The following MTCH1 variants were observed in gnomAD, a reference collection of about 807,000 sequenced individuals.
MTCH1 encodes mitochondrial carrier homolog 1.
MTCH1 carries 23 observed loss-of-function variants against 49.3 expected under a neutral mutation model. The observed-to-expected ratio is 0.47, with a 90% CI of 0.34 to 0.66. The LOEUF is 0.66. MTCH1 is among the 30% of genes least tolerant of loss of function. The pLI, the probability that MTCH1 is intolerant of heterozygous loss-of-function variation, is 0.01. For synonymous variants in MTCH1, 229 were observed against 215.2 expected, an observed-to-expected ratio of 1.06 and a Z score of -0.56; for missense variants, 397 against 532.1, an observed-to-expected ratio of 0.75 and a Z score of 2.50.
rs769107087 is a variant in MTCH1, at chr6:36,982,023, TCA to T, written c.322-353_322-352del. Among the ~76,000 whole-genome samples, 12 of 152,296 alleles carry T rather than the reference TCA, an allele frequency of 7.9e-5. No individual in the cohort carries two copies. The highest frequency in any genetic ancestry group is 1.3e-4 in the Admixed American group (2 of 15,308). Reference sequence around the variant, plus strand: ...CCCTACTCCCATCTCAGAACAAATCTCAGTTATTCTCATCTCCAGATGAAAAA... The same window carrying T: ...CCCTACTCCCATCTCAGAACAAATCTGTTATTCTCATCTCCAGATGAAAAA... On this transcript the variant is annotated intron_variant, in intron 1 of 11. Coordinates refer to ENST00000373627, the MANE Select transcript of MTCH1 (RefSeq NM_001271641.2). This position sits in a 1 kb window ranked among gnomAD's most constrained non-coding sequence, Gnocchi z 4.1.
intron 8 of MTCH1, among the ~76,000 whole-genome samples, chr6:36,971,663 G>A (rs1243212159): frequency 1.3e-5 from 2 of 152,070 alleles, no homozygotes; most frequent in Non-Finnish European, 2.9e-5. Context: ...ATCTGGGATG[G>A]GGCACTCCTC....
intron 2 of MTCH1, 143 bp from the exon 3 acceptor site, chr6:36,978,754 T>G: frequency 1.6e-6 from 1 of 620,578 alleles, no homozygotes; most frequent in Non-Finnish European, 2.7e-6. Context: ...GTCCAGGACC[T>G]GGAAGCAGTC....
In MTCH1 at chr6:36,985,942, C is replaced by T. The variant is rs578202903; in HGVS notation, c.232G>A (p.Ala78Thr). ...ACGAAAAGAGCCTCAGTGGTCGGGGCGTTGTCCCCAGACCCCAGGCCCCCT... is the reference window on the plus strand; with the variant it reads ...ACGAAAAGAGCCTCAGTGGTCGGGGTGTTGTCCCCAGACCCCAGGCCCCCT... ...GSGGLGSGDN[A>T]PTTEALFVAL... Residue 78 changes from alanine to threonine, a missense_variant, in exon 1 of 12, where the codon GCC becomes ACC. Ala to Thr is a moderately conservative substitution (Grantham distance 58). Around this residue, in one of 2 missense-constraint regions of MTCH1, gnomAD observed 145 missense variants for 143.8 expected, o/e 1.01. Transcript: ENST00000373627. 6 of 1,552,052 alleles carry T rather than the reference C, an allele frequency of 3.9e-6. No individual in the cohort carries two copies. Among genetic ancestry groups the T allele is most frequent in the Middle Eastern group, 1.7e-4 (1 of 5,948 alleles).
intron 11 of MTCH1, 135 bp from the exon 12 acceptor site, chr6:36,969,109 A>C: frequency 6.9e-7 from 1 of 1,443,560 alleles, no homozygotes; most frequent in Non-Finnish European, 9.1e-7. Context: ...GCCTCGGCCT[A>C]CATCCCTGGA....
chr6:36,985,968 G>A lies in MTCH1; in HGVS notation c.206C>T (p.Ser69Leu). 6.5e-7 allele frequency: 1 copy of A among 1,548,542 alleles called. No homozygotes were observed. The highest frequency in any genetic ancestry group is 8.7e-7 in the Non-Finnish European group (1 of 1,146,692). The part of the protein sequence containing the change: ...QPSARRMDGG[S>L]GGLGSGDNAP... Reference sequence around the variant, plus strand: ...GTTGTCCCCAGACCCCAGGCCCCCTGACCCGCCATCCATCCTGCGGGCCGA... The same window carrying A: ...GTTGTCCCCAGACCCCAGGCCCCCTAACCCGCCATCCATCCTGCGGGCCGA... Residue 69 changes from serine to leucine, a missense_variant, in exon 1 of 12, where the codon TCA (serine) becomes TTA (leucine). Ser to Leu is a moderately radical substitution (Grantham distance 145). This residue lies in a region of MTCH1 where 145 missense variants were observed against 143.8 expected (regional missense o/e 1.01). Transcript: ENST00000373627.
chr6:36,973,690 G>A (rs1317599943), intron 7 of MTCH1, among the ~76,000 whole-genome samples: 2 of 152,208 alleles, frequency 1.3e-5, no homozygotes, highest in Non-Finnish European at 2.9e-5. Flanking sequence ...ATCACATGGG[G>A]AGAAAGAACC....
intron 11 of MTCH1, 170 bp downstream of exon 11, chr6:36,969,869 A>G (rs1763610642): frequency 1.9e-6 from 3 of 1,541,540 alleles, no homozygotes; most frequent in Admixed American, 3.9e-5. Context: ...CCTTTCTGAA[A>G]TTATGTAAGA....
At position 36,982,152 on chromosome 6, in the gene MTCH1, A is replaced by G. The variant is rs1031070361; in HGVS notation, c.322-480T>C. On this transcript the variant is annotated intron_variant, in intron 1 of 11. Transcript: ENST00000373627. This position sits in a 1 kb window ranked among gnomAD's most constrained non-coding sequence, Gnocchi z 4.1. ...AGTCATCTATTCCAAAGTGCACCCC[A>G]AACTCAAATTTCTTACCAAATCTAC... is the stretch of plus-strand genomic sequence containing the variant. 3.9e-5 allele frequency among the ~76,000 whole-genome samples: 6 copies of G among 152,134 alleles called. No homozygotes were observed. The highest frequency in any genetic ancestry group is 1.4e-4 in the African/African-American group (6 of 41,416).
chr6:36,985,862 C>T lies in MTCH1; in HGVS notation c.312G>A (p.Leu104=). 1.3e-6 allele frequency: 2 copies of T among 1,557,838 alleles called. No homozygotes were observed. Among genetic ancestry groups the T allele is most frequent in the Non-Finnish European group, 1.7e-6 (2 of 1,150,722 alleles). ...ALSHPLLYVK[L]LIQVGHEPMP... is the part of the protein sequence containing the mutation. ...GCCTCTGGTCCCCCACCTGGATGAG[C>T]AGCTTCACGTAGAGCAGGGGATGGC... The change falls in exon 1 of 12, where the codon CTG becomes CTA. Residue 104 remains leucine, a synonymous_variant. Transcript: ENST00000373627.
chr6:36,975,791 G>A (rs977697815), intron 6 of MTCH1, 74 bp from the exon 7 acceptor site: 25 of 1,379,302 alleles, frequency 1.8e-5, no homozygotes, highest in African/African-American at 4.3e-5. Flanking sequence ...GTGTGGGGCT[G>A]AGCCCACCAG....
At position 36,977,442 on chromosome 6, in the gene MTCH1, G is replaced by A. The variant is rs956438611; in HGVS notation, c.649+192C>T. 6.6e-5 allele frequency among the ~76,000 whole-genome samples: 10 copies of A among 152,198 alleles called. No individual in the cohort carries two copies. In the South Asian group the frequency reaches 2.1e-3, roughly 32 times the overall value. ...GCATGCCATTTCTACTGCCTGGGAAGAGCCCCACCTCCCTTTGGAAAGAAT... is the reference window on the plus strand; with the variant it reads ...GCATGCCATTTCTACTGCCTGGGAAAAGCCCCACCTCCCTTTGGAAAGAAT... On this transcript the variant is annotated intron_variant, in intron 5 of 11. Coordinates refer to ENST00000373627, the MANE Select transcript of MTCH1 (RefSeq NM_001271641.2). The surrounding 1 kb of genome is among the most constrained non-coding windows in gnomAD (Gnocchi z 5.4).
chr6:36,985,702 T>TC, intron 1 of MTCH1, 151 bp downstream of exon 1: 2 of 352,990 alleles, frequency 5.7e-6, no homozygotes, highest in East Asian at 1.1e-4. Context: ...ACGGCTTCCC[T>TC]CCCATCCCAC....
chr6:36,976,813 G>C (rs1422898762), intron 6 of MTCH1, among the ~76,000 whole-genome samples: 1 of 152,118 alleles, frequency 6.6e-6, no homozygotes, highest in East Asian at 1.9e-4. Context: ...TCTTCATAGG[G>C]GATAAAAAGA....
intron 7 of MTCH1, among the ~76,000 whole-genome samples, chr6:36,974,252 G>A (rs747641458): frequency 5.9e-5 from 9 of 152,070 alleles, no homozygotes; most frequent in Non-Finnish European, 7.4e-5. Flanking sequence ...CCAGGCTGGA[G>A]TGCAGTGGTG....
At position 36,972,619 on chromosome 6, in the gene MTCH1, C is replaced by T. The variant is rs114201432; in HGVS notation, c.906+33G>A. 3.5e-4 allele frequency: 536 copies of T among 1,535,148 alleles called. 1 individual carries two copies. The African/African-American group carries it at 6.3e-3, about 18-fold the overall frequency. On this transcript the variant is annotated intron_variant, in intron 8 of 11. Coordinates refer to ENST00000373627, the MANE Select transcript of MTCH1 (RefSeq NM_001271641.2). This position sits in a 1 kb window ranked among gnomAD's most constrained non-coding sequence, Gnocchi z 4.1. ...CCAGACCCTGGGCATCAGCAGCACACGGAAAGAAGGACAAGTCCTTGTTCC... is the reference window on the plus strand; with the variant it reads ...CCAGACCCTGGGCATCAGCAGCACATGGAAAGAAGGACAAGTCCTTGTTCC...
intron 9 of MTCH1, 44 bp downstream of exon 9, chr6:36,970,603 G>A (rs909161484): frequency 6.2e-7 from 1 of 1,613,388 alleles, no homozygotes; most frequent in South Asian, 1.1e-5. Flanking sequence ...GCCCCGCTTG[G>A]GTCCGCAAGG....
Position 36,972,912 on chromosome 6 carries a change from G to A in MTCH1, c.762-116C>T. On this transcript the variant is annotated intron_variant, in intron 7 of 11. Coordinates refer to ENST00000373627, the MANE Select transcript of MTCH1 (RefSeq NM_001271641.2). This position sits in a 1 kb window ranked among gnomAD's most constrained non-coding sequence, Gnocchi z 4.1. ...AGCTCAAAATCTTAGCATATCCAAT[G>A]GCACAGCCTTAGAAAGGAGGCCTGC... 8 of 1,067,656 alleles carry A rather than the reference G, an allele frequency of 7.5e-6. 1 individual carries two copies. In the South Asian group the frequency reaches 1.3e-4, roughly 17 times the overall value. 66.1% of individuals were successfully genotyped at this position (1,067,656 alleles called of 1,614,324 possible).
intron 2 of MTCH1, 46 bp downstream of exon 2, chr6:36,981,542 C>T (rs1367949439): frequency 6.3e-7 from 1 of 1,591,980 alleles, no homozygotes; most frequent in South Asian, 1.1e-5. Context: ...CACCTGAGGC[C>T]TCTTTTCTGT....
intron 1 of MTCH1, among the ~76,000 whole-genome samples, chr6:36,985,212 T>A (rs929022318): frequency 3.3e-5 from 5 of 152,108 alleles, no homozygotes; most frequent in Admixed American, 2.0e-4. Context: ...TCCCACCAAA[T>A]TAAATCACAA....
Sources: allele counts gnomAD v4.1 joint callset (sites outside exome capture counted in the v4.1 genomes callset), GRCh38; gene constraint gnomAD v4.1.1; regional missense constraint gnomAD v4.1.1; non-coding constraint Gnocchi (gnomAD v3.1); transcripts MANE v1.5; gene names NCBI Gene and HGNC (gene_info 2026-07-23, HGNC 2026-07-21).